Variants in SORCS1 observed in about 807,000 individuals in gnomAD.
SORCS1 encodes sortilin related VPS10 domain containing receptor 1, also known as VPS10 domain-containing receptor SorCS1.
SORCS1 carries 60 observed loss-of-function variants against 146.1 expected under a neutral mutation model. The ratio of observed to expected loss-of-function variants is 0.41; its 90% CI spans 0.33 to 0.51. The LOEUF (loss-of-function observed/expected upper bound fraction) is 0.51. SORCS1 is among the 20% of genes least tolerant of loss of function. The probability of loss-of-function intolerance (pLI) is 0.21; values close to 1 mark genes in which losing one functional copy is unlikely to be tolerated. For synonymous variants in SORCS1, 637 were observed against 584.0 expected (o/e 1.09, Z -1.31); for missense variants, 1,352 against 1,487.6 (o/e 0.91, Z 1.50).
Position 106,627,173 on chromosome 10 carries a change from G to A in SORCS1, c.2662+2029C>T, listed in dbSNP as rs548477543. Among the ~76,000 whole-genome samples, 9 of 152,206 alleles carry A rather than the reference G, an allele frequency of 5.9e-5. No homozygotes were observed. The South Asian group carries it at 1.9e-3, about 32-fold the overall frequency. On this transcript the variant is annotated intron_variant, in intron 19 of 25. Coordinates refer to ENST00000263054, the MANE Select transcript of SORCS1 (RefSeq NM_052918.5). ...TGCAGGGGAGCAGTAGACACCTCAA[G>A]GGGTATGATCACACACACAGGAATG...
intron 1 of SORCS1, among the ~76,000 whole-genome samples, chr10:107,163,541 G>A (rs981619838): frequency 6.6e-5 from 10 of 152,188 alleles, no homozygotes; most frequent in African/African-American, 2.4e-4. Context: ...CTACATATAT[G>A]GGTCTTCTTA....
chr10:106,750,136 T>C (rs946026921), intron 5 of SORCS1, among the ~76,000 whole-genome samples: 8 of 152,134 alleles, frequency 5.3e-5, no homozygotes, highest in African/African-American at 1.4e-4. Context: ...CCTAATAAAA[T>C]TATAAATTAA....
At chr10:106,648,697 G>A (rs368134298) in intron 18 of SORCS1, among the ~76,000 whole-genome samples, 2 of 152,106 alleles carry the variant, frequency 1.3e-5, no homozygotes, top group East Asian at 1.9e-4. Context: ...GAAAGGGAAG[G>A]GAATGGTCCC....
chr10:106,694,414 A>C (rs1040818783), intron 9 of SORCS1, among the ~76,000 whole-genome samples: 3 of 152,060 alleles, frequency 2.0e-5, no homozygotes, highest in South Asian at 2.1e-4. Flanking sequence ...ACACCCAGCT[A>C]ATTTCTGTAT....
chr10:106,868,308 G>T (rs1334152018), intron 2 of SORCS1, among the ~76,000 whole-genome samples: 1 of 152,090 alleles, frequency 6.6e-6, no homozygotes, highest in East Asian at 1.9e-4. Flanking sequence ...AATTAACAAG[G>T]ATATTCAGAA....
At chr10:107,112,947 C>G (rs985363969) in intron 1 of SORCS1, among the ~76,000 whole-genome samples, 1 of 152,140 alleles carries the variant, frequency 6.6e-6, no homozygotes, top group Non-Finnish European at 1.5e-5. Flanking sequence ...ATGGATAGAT[C>G]ATCCAGAGAG....
chr10:106,932,187 A>T (rs1214624309), intron 2 of SORCS1, among the ~76,000 whole-genome samples: 2 of 152,216 alleles, frequency 1.3e-5, no homozygotes, highest in Non-Finnish European at 2.9e-5. Context: ...GAAGCATACT[A>T]TAGTATTAAT....
At chr10:106,817,777 G>A (rs571299518) in intron 3 of SORCS1, among the ~76,000 whole-genome samples, 1 of 152,282 alleles carries the variant, frequency 6.6e-6, no homozygotes, top group Admixed American at 6.5e-5. Flanking sequence ...AGGGCCCTGT[G>A]TTATGCATGT....
chr10:106,698,353 G>C (rs768510994), intron 9 of SORCS1, among the ~76,000 whole-genome samples: 4 of 152,136 alleles, frequency 2.6e-5, no homozygotes, highest in Non-Finnish European at 5.9e-5. Context: ...GTACATATCT[G>C]AATCCATTTT....
At chr10:106,811,152 C>G (rs1467065721) in intron 3 of SORCS1, among the ~76,000 whole-genome samples, 1 of 151,980 alleles carries the variant, frequency 6.6e-6, no homozygotes, top group Non-Finnish European at 1.5e-5. Flanking sequence ...CTCGGCCAGG[C>G]TGGTCTTGAT....
At chr10:106,588,860 CAAAAAAA>C (rs778852501) in intron 24 of SORCS1, among the ~76,000 whole-genome samples, 25 of 35,110 alleles carry the variant, frequency 7.1e-4, no homozygotes, top group African/African-American at 1.7e-3. Context: ...GACTCCATCT[CAAAAAAA>C]AAAAAAAAAA....
intron 15 of SORCS1, among the ~76,000 whole-genome samples, chr10:106,671,775 C>T (rs1487604778): frequency 6.6e-6 from 1 of 152,086 alleles, no homozygotes; most frequent in Non-Finnish European, 1.5e-5. Flanking sequence ...AGGAGCATTG[C>T]TAAGAAATAT....
At chr10:107,083,455 C>T (rs1963498308) in intron 1 of SORCS1, among the ~76,000 whole-genome samples, 1 of 152,094 alleles carries the variant, frequency 6.6e-6, no homozygotes, top group African/African-American at 2.4e-5. Context: ...TTATTCCAAT[C>T]CCATTTTACT....
intron 19 of SORCS1, among the ~76,000 whole-genome samples, chr10:106,624,257 C>T (rs948720911): frequency 9.9e-5 from 15 of 151,652 alleles, no homozygotes; most frequent in Non-Finnish European, 2.9e-5. Context: ...GTGAAAAGAC[C>T]ACGAGGAAGA....
chr10:107,087,635 TAAAG>T (rs956450164), intron 1 of SORCS1, among the ~76,000 whole-genome samples: 3 of 152,164 alleles, frequency 2.0e-5, no homozygotes, highest in African/African-American at 7.2e-5. Flanking sequence ...ATAGTGAAGA[TAAAG>T]AAGGTGACAA....
chr10:107,042,695 C>T (rs554298969), intron 1 of SORCS1, among the ~76,000 whole-genome samples: 16 of 151,844 alleles, frequency 1.1e-4, no homozygotes, highest in East Asian at 1.9e-4. Context: ...CTGCAACCTC[C>T]GCCTCCTGGG....
intron 17 of SORCS1, among the ~76,000 whole-genome samples, chr10:106,664,864 T>A (rs1419233402): frequency 6.6e-6 from 1 of 152,120 alleles, no homozygotes; most frequent in Non-Finnish European, 1.5e-5. Flanking sequence ...GGGTTTCCAA[T>A]GCCCTTTACA....
At chr10:106,729,999 G>A in intron 6 of SORCS1, 51 bp downstream of exon 6, 2 of 1,537,304 alleles carry the variant, frequency 1.3e-6, no homozygotes, top group Non-Finnish European at 1.8e-6. Flanking sequence ...TCATGACAGA[G>A]TCATAGAACT....
chr10:107,138,018 T>C (rs1967477116), intron 1 of SORCS1, among the ~76,000 whole-genome samples: 1 of 152,236 alleles, frequency 6.6e-6, no homozygotes, highest in African/African-American at 2.4e-5. Context: ...CTTCTATATG[T>C]GTTAAATGAG....
Sources: gnomAD v4.1 joint callset for allele counts (sites outside exome capture counted in the v4.1 genomes callset) on GRCh38, gnomAD v4.1.1 for gene constraint, MANE v1.5 for transcripts, NCBI Gene and HGNC (gene_info 2026-07-23, HGNC 2026-07-21) for gene names.